Variants in GNB1 observed in about 807,000 individuals in gnomAD.
The protein encoded by GNB1 is guanine nucleotide-binding protein G(I)/G(S)/G(T) subunit beta-1.
GNB1 carries 2 observed loss-of-function variants against 42.9 expected under a neutral mutation model. The observed-to-expected ratio is 0.05, with a 90% CI of 0.02 to 0.15. The LOEUF (loss-of-function observed/expected upper bound fraction) is 0.15, where lower values mean the gene tolerates loss of function less well. Among genes scored for constraint, GNB1 ranks in the 10% least tolerant of loss-of-function variants. GNB1 has a pLI of 1.00. For synonymous variants in GNB1, 183 were observed against 174.7 expected, an observed-to-expected ratio of 1.05 and a Z score of -0.38; for missense variants, 193 against 462.2, an observed-to-expected ratio of 0.42 and a Z score of 5.34.
intron 10 of GNB1, 191 bp downstream of exon 10, chr1:1,788,862 C>T: frequency 1.8e-6 from 1 of 567,426 alleles, no homozygotes; most frequent in Non-Finnish European, 3.2e-6. Flanking sequence ...GGAAGATCTG[C>T]TGGTACTCCT....
At chr1:1,882,158 C>T (rs1302505317) in intron 1 of GNB1, among the ~76,000 whole-genome samples, 1 of 152,128 alleles carries the variant, frequency 6.6e-6, no homozygotes, top group African/African-American at 2.4e-5. Context: ...CAGTAAGGTG[C>T]TAAATTGGGG....
At chr1:1,852,236 A>G (rs1349842522) in intron 1 of GNB1, among the ~76,000 whole-genome samples, 1 of 151,682 alleles carries the variant, frequency 6.6e-6, no homozygotes, top group African/African-American at 2.4e-5. Flanking sequence ...CCTGCCTCTC[A>G]AATTTTTTTT....
intron 1 of GNB1, among the ~76,000 whole-genome samples, 151 bp from the exon 2 acceptor site, chr1:1,839,389 A>G (rs1031657528): frequency 6.6e-6 from 1 of 152,196 alleles, no homozygotes. Context: ...ATTTAGCAGT[A>G]CTGTCATATT....
chr1:1,854,266 G>A (rs1648146517), intron 1 of GNB1, among the ~76,000 whole-genome samples: 1 of 152,230 alleles, frequency 6.6e-6, no homozygotes, highest in African/African-American at 2.4e-5. Context: ...AGAAATCTGA[G>A]CGGGGTCCCA....
In GNB1 at chr1:1,863,523, A is replaced by G. The variant is rs1648744458; in HGVS notation, c.-95-24285T>C. ...AACAAAGCCCTTTACTGAAACGTCT[A>G]CTTAGGAGACCTAACTGCCTTTCTA... On this transcript the variant is annotated intron_variant, in intron 1 of 11. Coordinates refer to ENST00000378609, the MANE Select transcript of GNB1 (RefSeq NM_002074.5). Among the ~76,000 whole-genome samples, 3 of 152,192 alleles carry G rather than the reference A, an allele frequency of 2.0e-5. No individual in the cohort carries two copies. The South Asian group carries it at 6.2e-4, about 32-fold the overall frequency.
chr1:1,882,737 A>G (rs531826511), intron 1 of GNB1, among the ~76,000 whole-genome samples: 1 of 152,198 alleles, frequency 6.6e-6, no homozygotes, highest in African/African-American at 2.4e-5. Flanking sequence ...ACTGGCCAAT[A>G]TGGTGAAACC....
intron 2 of GNB1, among the ~76,000 whole-genome samples, chr1:1,836,645 G>A (rs532914045): frequency 6.6e-6 from 1 of 152,112 alleles, no homozygotes; most frequent in Non-Finnish European, 1.5e-5. Flanking sequence ...CCACCTCCCA[G>A]GTTCAAGTGA....
intron 3 of GNB1, among the ~76,000 whole-genome samples, chr1:1,820,218 A>G (rs1311678275): frequency 6.6e-6 from 1 of 151,960 alleles, no homozygotes; most frequent in East Asian, 1.9e-4. Context: ...TTAACCAGGC[A>G]TGGTGGCCGG....
chr1:1,826,403 C>T (rs961368371), intron 2 of GNB1, among the ~76,000 whole-genome samples: 5 of 152,080 alleles, frequency 3.3e-5, no homozygotes, highest in African/African-American at 7.2e-5. Context: ...GGTGACAGAG[C>T]GAGACTCCAT....
chr1:1,800,842 G>A (rs1045812923), intron 7 of GNB1, among the ~76,000 whole-genome samples: 1 of 151,080 alleles, frequency 6.6e-6, no homozygotes, highest in Non-Finnish European at 1.5e-5. Flanking sequence ...CAAGAATAAA[G>A]GCAAAATATA....
chr1:1,889,292 C>T (rs1050242449), intron 1 of GNB1, among the ~76,000 whole-genome samples: 9 of 152,040 alleles, frequency 5.9e-5, no homozygotes. Flanking sequence ...GCTTAATCAC[C>T]TAATACTATT....
At chr1:1,881,031 C>G (rs1649817554) in intron 1 of GNB1, among the ~76,000 whole-genome samples, 2 of 152,136 alleles carry the variant, frequency 1.3e-5, no homozygotes. Context: ...ACTGTGCAAA[C>G]ACACAGCCAG....
chr1:1,886,672 A>G (rs895414251), intron 1 of GNB1, among the ~76,000 whole-genome samples: 4 of 152,174 alleles, frequency 2.6e-5, no homozygotes, highest in Non-Finnish European at 2.9e-5. Flanking sequence ...AACAAATGCA[A>G]ACCTGAAATC....
chr1:1,844,660 T>C (rs1647522412), intron 1 of GNB1, among the ~76,000 whole-genome samples: 1 of 152,212 alleles, frequency 6.6e-6, no homozygotes, highest in Non-Finnish European at 1.5e-5. Flanking sequence ...AACATAATCC[T>C]AAGATGGGAA....
chr1:1,815,670 G>A lies in GNB1; in HGVS notation c.203+86C>T, dbSNP rs146576950. 268 of 738,196 alleles carry A rather than the reference G, an allele frequency of 3.6e-4. 1 individual carries two copies. In the African/African-American group the frequency reaches 4.3e-3, roughly 12 times the overall value. The allele number at this position is 738,196 out of a possible 1,614,324, so 45.7% of individuals were successfully genotyped here. A position where few individuals can be genotyped will look rare whatever the true frequency, so the allele number is the denominator to read the frequency against. ...CCTAATTTCTTCACTGCACAGCACA[G>A]CAAATGGGTTCAGGTACTTTTCCCC... On this transcript the variant is annotated intron_variant, in intron 5 of 11. Transcript: ENST00000378609.
intron 1 of GNB1, among the ~76,000 whole-genome samples, chr1:1,854,970 C>A (rs1043647917): frequency 1.3e-5 from 2 of 152,122 alleles, no homozygotes; most frequent in Admixed American, 1.3e-4. Context: ...ACCAGCCTGG[C>A]CAAGATGGTG....
chr1:1,842,672 G>T (rs1647292935), intron 1 of GNB1, among the ~76,000 whole-genome samples: 1 of 152,166 alleles, frequency 6.6e-6, no homozygotes, highest in Non-Finnish European at 1.5e-5. Flanking sequence ...TGGGTACAGG[G>T]TTTCCTTTTG....
intron 1 of GNB1, among the ~76,000 whole-genome samples, chr1:1,866,219 C>T (rs1028571871): frequency 3.3e-5 from 5 of 152,264 alleles, no homozygotes; most frequent in Non-Finnish European, 2.9e-5. Flanking sequence ...AGATTACAGG[C>T]GTGCGCCACT....
intron 2 of GNB1, among the ~76,000 whole-genome samples, chr1:1,831,656 C>T (rs1207091023): frequency 6.6e-6 from 1 of 151,908 alleles, no homozygotes; most frequent in African/African-American, 2.4e-5. Context: ...GCCATGTTGG[C>T]CAGGCTGGTC....
Sources: allele counts gnomAD v4.1 joint callset (sites outside exome capture counted in the v4.1 genomes callset), GRCh38; gene constraint gnomAD v4.1.1; transcripts MANE v1.5; gene names NCBI Gene and HGNC (gene_info 2026-07-23, HGNC 2026-07-21).